STAP1: variants seen among roughly 807,000 people sequenced by gnomAD.
The protein encoded by STAP1 is signal transducing adaptor family member 1.
STAP1 carries 30 observed loss-of-function variants against 37.8 expected under a neutral mutation model. The ratio of observed to expected loss-of-function variants is 0.79; its 90% confidence interval spans 0.59 to 1.08. STAP1 has a LOEUF of 1.08. Among genes scored for constraint, STAP1 ranks in the 50% least tolerant of loss-of-function variants. The probability of loss-of-function intolerance (pLI) is 0.00; values close to 1 mark genes in which losing one functional copy is unlikely to be tolerated. For synonymous variants in STAP1, 130 were observed against 116.0 expected (o/e 1.12, Z -0.78); for missense variants, 357 against 349.4 (o/e 1.02, Z -0.17).
chr4:67,581,030 A>C (rs1204127255), intron 4 of STAP1, among the ~76,000 whole-genome samples: 1 of 152,192 alleles, frequency 6.6e-6, no homozygotes, highest in Non-Finnish European at 1.5e-5. Context: ...ATTAGCTTTT[A>C]GTGCAAGGCG....
intron 8 of STAP1, among the ~76,000 whole-genome samples, chr4:67,601,824 T>A (rs1728348171): frequency 6.6e-6 from 1 of 152,172 alleles, no homozygotes; most frequent in Non-Finnish European, 1.5e-5. Context: ...CTTGAAGTAG[T>A]CTTCTTTGAG....
At chr4:67,583,458 A>C in intron 5 of STAP1, 116 bp from the exon 6 acceptor site, 2 of 1,067,368 alleles carry the variant, frequency 1.9e-6, no homozygotes, top group East Asian at 5.5e-5. Context: ...TCAAACCGGA[A>C]GTTTTAAGAA....
chr4:67,579,755 T>A (rs1181053103), intron 4 of STAP1, among the ~76,000 whole-genome samples: 1 of 152,140 alleles, frequency 6.6e-6, no homozygotes, highest in African/African-American at 2.4e-5. Context: ...TTCATCCCCA[T>A]GACCCAAACA....
chr4:67,581,609 C>T, intron 5 of STAP1, 138 bp downstream of exon 5: 1 of 891,166 alleles, frequency 1.1e-6, no homozygotes, highest in Non-Finnish European at 1.7e-6. Context: ...TCTCTGCGTA[C>T]ATGCCATATT....
intron 7 of STAP1, among the ~76,000 whole-genome samples, chr4:67,592,958 A>C (rs1224298190): frequency 6.6e-6 from 1 of 152,236 alleles, no homozygotes; most frequent in Non-Finnish European, 1.5e-5. Context: ...TGCTGGGATT[A>C]CAGGTGTGAG....
Position 67,593,275 on chromosome 4 carries a change from C to T in STAP1, c.745C>T (p.Leu249Phe). The part of the protein sequence containing the change: ...ELEKPVTLPN[L>F]FSVIDYFVKE... ...ATTAATACAGGTAACACTCCCAAAC[C>T]TTTTCAGTGTCATTGATTATTTTGT... The change falls in exon 8 of 9, where the codon CTT (leucine) becomes TTT (phenylalanine). Residue 249 changes from leucine (L) to phenylalanine (F), a missense_variant. Transcript: ENST00000265404. 6.2e-7 allele frequency: 1 copy of T among 1,612,834 alleles called. No individual in the cohort carries two copies. The highest frequency in any genetic ancestry group is 8.5e-7 in the Non-Finnish European group (1 of 1,179,426).
rs188727209 is a variant in STAP1 at position 67,580,524 on chromosome 4, T to C, written c.364-781T>C. On this transcript the variant is annotated intron_variant, in intron 4 of 8. Transcript: ENST00000265404. ...TTTCTTGTATACCTCCTGGAAAGCATGCACTCTTCTCTGAAGATAAAGGTG... is the reference window on the plus strand; with the variant it reads ...TTTCTTGTATACCTCCTGGAAAGCACGCACTCTTCTCTGAAGATAAAGGTG... Among the ~76,000 whole-genome samples, 66 of 152,224 alleles carry C rather than the reference T, an allele frequency of 4.3e-4. 1 individual carries two copies. Among genetic ancestry groups the C allele is most frequent in the Admixed American group, 4.3e-3 (66 of 15,282 alleles).
Position 67,606,424 on chromosome 4 carries a change from T to C in STAP1, c.*67T>C, listed in dbSNP as rs1481374741. On this transcript the variant is annotated 3_prime_UTR_variant, in exon 9 of 9. Coordinates refer to ENST00000265404, the MANE Select transcript of STAP1 (RefSeq NM_012108.4). ...ATTTTCAAAACGAAGTTCTTACTTT[T>C]AAAGAGAATTACCTATATTCTCCTG... The C allele has an allele frequency of 6.4e-5, 88 of 1,375,812 alleles. No individual in the cohort carries two copies. The South Asian group carries it at 7.4e-4, about 12-fold the overall frequency. 85.2% of individuals were successfully genotyped at this position (1,375,812 alleles called of 1,614,324 possible). A position where few individuals can be genotyped will look rare whatever the true frequency, so the allele number is the denominator to read the frequency against.
intron 4 of STAP1, 123 bp from the exon 5 acceptor site, chr4:67,581,182 T>C: frequency 1.1e-6 from 1 of 900,242 alleles, no homozygotes; most frequent in Non-Finnish European, 1.6e-6. Flanking sequence ...ATTCCCTTAG[T>C]CCCTACTCAT....
chr4:67,573,712 G>T (rs775331976), intron 2 of STAP1, among the ~76,000 whole-genome samples: 2 of 151,914 alleles, frequency 1.3e-5, no homozygotes, highest in African/African-American at 2.4e-5. Flanking sequence ...AGGCCAACTC[G>T]AACTTTCTCT....
chr4:67,590,840 C>A lies in STAP1; in HGVS notation c.660-44C>A, dbSNP rs192383073. The A allele has an allele frequency of 1.3e-5, 18 of 1,406,508 alleles. No individual in the cohort carries two copies. In the Admixed American group the frequency reaches 2.9e-4, roughly 23 times the overall value. 87.1% of individuals were successfully genotyped at this position (1,406,508 alleles called of 1,614,324 possible). ...ATATTTACTTTAGTTTGCATTTACC[C>A]AATTGTATAATAAAATGGAGACTAA... On this transcript the variant is annotated intron_variant, in intron 6 of 8. Coordinates refer to ENST00000265404, the MANE Select transcript of STAP1 (RefSeq NM_012108.4).
At chr4:67,576,114 T>C (rs1727714185) in intron 3 of STAP1, among the ~76,000 whole-genome samples, 2 of 152,176 alleles carry the variant, frequency 1.3e-5, no homozygotes, top group South Asian at 4.1e-4. Context: ...CTTACCCTTT[T>C]TGTGTCTTTG....
intron 7 of STAP1, among the ~76,000 whole-genome samples, chr4:67,592,791 C>T (rs1268169663): frequency 1.3e-5 from 2 of 152,162 alleles, no homozygotes; most frequent in African/African-American, 4.8e-5. Context: ...TCAAGGAATC[C>T]TCCTGCCTTA....
chr4:67,578,180 T>C (rs1727768066), intron 4 of STAP1, among the ~76,000 whole-genome samples: 1 of 152,198 alleles, frequency 6.6e-6, no homozygotes, highest in Non-Finnish European at 1.5e-5. Context: ...TGCAGTAAGA[T>C]AATGTCCATT....
chr4:67,569,953 A>G (rs1212656592), intron 1 of STAP1, among the ~76,000 whole-genome samples: 1 of 151,870 alleles, frequency 6.6e-6, no homozygotes, highest in Non-Finnish European at 1.5e-5. Flanking sequence ...CTGGTCTGGA[A>G]CTCCTGGCCT....
chr4:67,597,631 C>T (rs1728254657), intron 8 of STAP1, among the ~76,000 whole-genome samples: 1 of 152,230 alleles, frequency 6.6e-6, no homozygotes, highest in African/African-American at 2.4e-5. Flanking sequence ...GTTCATGGCC[C>T]TGGGAGCCCA....
intron 7 of STAP1, among the ~76,000 whole-genome samples, chr4:67,592,286 G>A (rs77721805): frequency 3.9e-5 from 6 of 151,980 alleles, no homozygotes; most frequent in African/African-American, 7.3e-5. Flanking sequence ...GTACCACTGC[G>A]CCTGGCTCAG....
At chr4:67,606,207 A>G in intron 8 of STAP1, 89 bp from the exon 9 acceptor site, 2 of 1,024,964 alleles carry the variant, frequency 2.0e-6, no homozygotes, top group Non-Finnish European at 2.9e-6. Context: ...TCCACACACG[A>G]GCAGGAAAAT....
At chr4:67,588,671 A>AGTGCTGGG (rs1419609051) in intron 6 of STAP1, among the ~76,000 whole-genome samples, 1 of 152,120 alleles carries the variant, frequency 6.6e-6, no homozygotes, top group Non-Finnish European at 1.5e-5. Context: ...AGCCTCCCAA[A>AGTGCTGGG]GTGCTGGGAT....
Sources: allele counts gnomAD v4.1 joint callset (sites outside exome capture counted in the v4.1 genomes callset), GRCh38; gene constraint gnomAD v4.1.1; transcripts MANE v1.5; gene names NCBI Gene and HGNC (gene_info 2026-07-23, HGNC 2026-07-21).